Variants in ZCCHC2 observed in about 807,000 individuals in gnomAD.
ZCCHC2 encodes zinc finger CCHC-type containing 2.
A neutral mutation model predicts 103.6 loss-of-function variants in ZCCHC2; 39 were observed. The observed-to-expected ratio is 0.38, with a 90% CI of 0.29 to 0.49. The LOEUF (loss-of-function observed/expected upper bound fraction) is 0.49, where lower values mean the gene tolerates loss of function less well. ZCCHC2 is among the 20% of genes least tolerant of loss of function. ZCCHC2 has a pLI of 0.96. For missense variants in ZCCHC2, 1,483 were observed against 1,491.0 expected, an observed-to-expected ratio of 0.99 and a Z score of 0.09; for synonymous variants, 687 against 608.9, an observed-to-expected ratio of 1.13 and a Z score of -1.89.
chr18:62,545,793 A>C (rs1459347386), intron 4 of ZCCHC2, among the ~76,000 whole-genome samples: 1 of 152,224 alleles, frequency 6.6e-6, no homozygotes, highest in African/African-American at 2.4e-5. Flanking sequence ...ATACGATATT[A>C]TGAGGCTAGT....
Position 62,560,585 on chromosome 18 carries a change from A to G in ZCCHC2, c.1493-2A>G. On this transcript the variant is annotated splice_acceptor_variant, in intron 7 of 13. Coordinates refer to ENST00000269499, the MANE Select transcript of ZCCHC2 (RefSeq NM_017742.6). LOFTEE classifies it high-confidence loss of function. Reference sequence around the variant, plus strand: ...AATAAGTTACTTTTTCCTCTCTTCTAGATGTGTTGCAGCATGCCATAATCC... The same window carrying G: ...AATAAGTTACTTTTTCCTCTCTTCTGGATGTGTTGCAGCATGCCATAATCC... 6.2e-7 allele frequency: 1 copy of G among 1,613,112 alleles called. No individual in the cohort carries two copies. The highest frequency in any genetic ancestry group is 1.3e-5 in the African/African-American group (1 of 75,004).
At chr18:62,549,067 A>C (rs541018687) in intron 4 of ZCCHC2, among the ~76,000 whole-genome samples, 28 of 152,008 alleles carry the variant, frequency 1.8e-4, no homozygotes, top group South Asian at 4.2e-4. Context: ...AAAATACAAA[A>C]AATTAGCTGG....
At chr18:62,549,218 C>CA (rs111280144) in intron 4 of ZCCHC2, among the ~76,000 whole-genome samples, 1,453 of 117,242 alleles carry the variant, frequency 0.012, 20 homozygotes, top group African/African-American at 0.037. Context: ...GACTCCGTCT[C>CA]AAAAAAAAAA....
Position 62,542,484 on chromosome 18 carries a change from T to G in ZCCHC2, c.1052-14T>G, listed in dbSNP as rs1915240176. ...CTTTGTAGCACAAGTCACCGTGTGT[T>G]TTTTTTCTTTCAGCTGTACACATTG... is the stretch of plus-strand genomic sequence containing the variant. On this transcript the variant is annotated splice_polypyrimidine_tract_variant and intron_variant, in intron 2 of 13. Transcript: ENST00000269499. 3 of 1,554,078 alleles carry G rather than the reference T, an allele frequency of 1.9e-6. No individual in the cohort carries two copies. The highest frequency in any genetic ancestry group is 2.6e-6 in the Non-Finnish European group (3 of 1,147,896).
chr18:62,583,471 A>G (rs1231630405), downstream of ZCCHC2, among the ~76,000 whole-genome samples: 1 of 152,216 alleles, frequency 6.6e-6, no homozygotes, highest in Admixed American at 6.5e-5. Context: ...AGCACGGTGT[A>G]AAATACCTGT....
chr18:62,524,409 C>G, intron 1 of ZCCHC2, 46 bp downstream of exon 1: 1 of 1,429,524 alleles, frequency 7.0e-7, no homozygotes, highest in Non-Finnish European at 9.1e-7. Context: ...GATCGCTGCC[C>G]CGGCGGCCTC....
rs768356292 is a variant in ZCCHC2 at position 62,574,352 on chromosome 18, T to C, written c.2271T>C (p.Ala757=). The C allele has an allele frequency of 1.9e-6, 3 of 1,614,064 alleles. No individual in the cohort carries two copies. Among genetic ancestry groups the C allele is most frequent in the Non-Finnish European group, 1.7e-6 (2 of 1,179,900 alleles). The change falls in exon 13 of 14, where the codon GCT becomes GCC. Residue 757 remains alanine (A), a synonymous_variant. Coordinates refer to ENST00000269499, the MANE Select transcript of ZCCHC2 (RefSeq NM_017742.6). Reference sequence around the variant, plus strand: ...GGATGCTTGTTCCTAGTCCTGTTGCTATTTCTGCAATAAGGGAGTCTGCAA... The same window carrying C: ...GGATGCTTGTTCCTAGTCCTGTTGCCATTTCTGCAATAAGGGAGTCTGCAA... ...TIGMLVPSPV[A]ISAIRESANS...
Position 62,533,290 on chromosome 18 carries a change from C to T in ZCCHC2, c.940-6391C>T, listed in dbSNP as rs531764718. ...CCTGTAATCCCAGCACTTTGGGAGG[C>T]CGAGGCGGGTGGATCACTTGAGGTC... On this transcript the variant is annotated intron_variant, in intron 1 of 13. Coordinates refer to ENST00000269499, the MANE Select transcript of ZCCHC2 (RefSeq NM_017742.6). Among the ~76,000 whole-genome samples the T allele has an allele frequency of 8.0e-4, 122 of 152,280 alleles. 1 individual carries two copies. The highest frequency in any genetic ancestry group is 3.4e-3 in the Middle Eastern group (1 of 292).
chr18:62,558,586 C>T lies in ZCCHC2; in HGVS notation c.1409-101C>T, dbSNP rs1410616051. On this transcript the variant is annotated intron_variant, in intron 6 of 13. Transcript: ENST00000269499. ...TAGTAGCCATGTTTTCTTCACCACT[C>T]ACCCTCCATTCATTTTCCTTAGGTA... 3 of 645,514 alleles carry T rather than the reference C, an allele frequency of 4.6e-6. No individual in the cohort carries two copies. In the African/African-American group the frequency reaches 5.7e-5, roughly 12 times the overall value. 40.0% of individuals were successfully genotyped at this position (645,514 alleles called of 1,614,324 possible). A position where few individuals can be genotyped will look rare whatever the true frequency, so the allele number is the denominator to read the frequency against.
In ZCCHC2 at chr18:62,523,271, C is replaced by T. The variant is rs1230875318; in HGVS notation, c.-154C>T. On this transcript the variant is annotated 5_prime_UTR_variant, in exon 1 of 14. Transcript: ENST00000269499. ...ACCCCGCCGGCCGGCCACCGCCCCCCTCGCCGGCCGAGACCCGCCCCCGGC... is the reference window on the plus strand; with the variant it reads ...ACCCCGCCGGCCGGCCACCGCCCCCTTCGCCGGCCGAGACCCGCCCCCGGC... 3 of 711,058 alleles carry T rather than the reference C, an allele frequency of 4.2e-6. No individual in the cohort carries two copies. The African/African-American group carries it at 5.8e-5, about 14-fold the overall frequency. 44.0% of individuals were successfully genotyped at this position (711,058 alleles called of 1,614,324 possible).
intron 1 of ZCCHC2, among the ~76,000 whole-genome samples, chr18:62,537,848 G>C: frequency 6.6e-6 from 1 of 152,148 alleles, no homozygotes; most frequent in Non-Finnish European, 1.5e-5. Context: ...TTGAGGAACT[G>C]CCTGACTGTC....
At chr18:62,543,091 G>A (rs1915268904) in intron 3 of ZCCHC2, among the ~76,000 whole-genome samples, 1 of 152,054 alleles carries the variant, frequency 6.6e-6, no homozygotes, top group Non-Finnish European at 1.5e-5. Context: ...AGCTGTATCG[G>A]GAATTCCTTG....
At position 62,574,116 on chromosome 18, in the gene ZCCHC2, G is replaced by A. The variant is rs772233346; in HGVS notation, c.2035G>A (p.Gly679Ser). ...ATCAACAACTAGGTTTACAGGTTAC[G>A]GTTCTGTCAACCAGACTGTCACTGT... ...NPSTTRFTGY[G>S]SVNQTVTVKP... is the part of the protein sequence containing the mutation. Residue 679 changes from glycine (G) to serine (S), a missense_variant, in exon 13 of 14, where the codon GGT becomes AGT. By Grantham distance (56) the Gly-to-Ser change is moderately conservative (BLOSUM62 0). This residue lies in a region of ZCCHC2 where 884 missense variants were observed against 907.5 expected (regional missense o/e 0.97). Coordinates refer to ENST00000269499, the MANE Select transcript of ZCCHC2 (RefSeq NM_017742.6). 8.1e-6 allele frequency: 13 copies of A among 1,613,852 alleles called. No individual in the cohort carries two copies. Among genetic ancestry groups the A allele is most frequent in the African/African-American group, 4.0e-5 (3 of 74,918 alleles).
At position 62,578,266 on chromosome 18, in the gene ZCCHC2, C is replaced by G. The variant is rs1019034847; in HGVS notation, c.*1687C>G. 6.6e-6 allele frequency: 1 copy of G among 152,540 alleles called. No homozygotes were observed. Among genetic ancestry groups the G allele is most frequent in the African/African-American group, 2.4e-5 (1 of 41,428 alleles). The allele number at this position is 152,540 out of a possible 1,614,324, so 9.4% of individuals were successfully genotyped here. ...TTTGATTAAATATATTTTATTTGAT[C>G]TGGGTATTTTTGGACCACATTATTA... On this transcript the variant is annotated 3_prime_UTR_variant, in exon 14 of 14. Transcript: ENST00000269499.
chr18:62,523,889 C>G lies in ZCCHC2; in HGVS notation c.465C>G (p.Leu155=). 6.5e-7 allele frequency: 1 copy of G among 1,541,506 alleles called. No individual in the cohort carries two copies. Among genetic ancestry groups the G allele is most frequent in the Non-Finnish European group, 8.7e-7 (1 of 1,145,540 alleles). The part of the protein sequence containing the change: ...LRDSEAKANG[L]SDPGPLADFR... The stretch of plus-strand genomic sequence containing the variant: ...ACTCGGAGGCCAAGGCCAACGGCCT[C>G]TCGGACCCGGGGCCGCTGGCCGACT... Residue 155 remains leucine (L), a synonymous_variant, in exon 1 of 14, where the codon CTC becomes CTG. Coordinates refer to ENST00000269499, the MANE Select transcript of ZCCHC2 (RefSeq NM_017742.6).
chr18:62,524,631 C>T, intron 1 of ZCCHC2: 2 of 452,724 alleles, frequency 4.4e-6, no homozygotes, highest in Non-Finnish European at 7.5e-6. Flanking sequence ...ACGGTGTTGC[C>T]ACGGAAGACG....
At chr18:62,542,322 A>G (rs1340182315) in intron 2 of ZCCHC2, among the ~76,000 whole-genome samples, 176 bp from the exon 3 acceptor site, 1 of 152,136 alleles carries the variant, frequency 6.6e-6, no homozygotes, top group African/African-American at 2.4e-5. Flanking sequence ...GCACATTGCT[A>G]TGCTTCTAGT....
At chr18:62,572,929 T>G (rs1463583937) in intron 12 of ZCCHC2, among the ~76,000 whole-genome samples, 8 of 152,180 alleles carry the variant, frequency 5.3e-5, no homozygotes, top group Admixed American at 4.6e-4. Flanking sequence ...ATTATTAATC[T>G]ATTAGGGGAA....
intron 7 of ZCCHC2, among the ~76,000 whole-genome samples, chr18:62,559,474 T>C (rs1002604031): frequency 3.0e-4 from 45 of 152,202 alleles, no homozygotes; most frequent in Admixed American, 1.0e-3. Context: ...ACAAAACATT[T>C]TGGAGTCTGA....
Sources: gnomAD v4.1 joint callset for allele counts (sites outside exome capture counted in the v4.1 genomes callset) on GRCh38, gnomAD v4.1.1 for gene constraint, gnomAD v4.1.1 regional missense constraint, MANE v1.5 for transcripts, NCBI Gene and HGNC (gene_info 2026-07-23, HGNC 2026-07-21) for gene names.